Variants in PRKCB observed in about 807,000 individuals in gnomAD.
PRKCB encodes protein kinase C beta type.
In PRKCB, 13 loss-of-function variants were observed where a neutral mutation model predicts 81.5. The ratio of observed to expected loss-of-function variants is 0.16; its 90% confidence interval spans 0.10 to 0.25. The LOEUF is 0.25. Among genes scored for constraint, PRKCB ranks in the 10% least tolerant of loss-of-function variants. The pLI is 1.00. For synonymous variants in PRKCB, 335 were observed against 321.4 expected (o/e 1.04, Z -0.45); for missense variants, 509 against 875.7 (o/e 0.58, Z 5.29).
At chr16:24,167,478 T>G (rs2141962480) in intron 10 of PRKCB, among the ~76,000 whole-genome samples, 1 of 152,178 alleles carries the variant, frequency 6.6e-6, no homozygotes, top group East Asian at 1.9e-4. Context: ...GAGGATTACT[T>G]GAGCCTGGGA....
chr16:24,085,731 G>A (rs374779236), intron 5 of PRKCB, among the ~76,000 whole-genome samples: 26 of 152,310 alleles, frequency 1.7e-4, no homozygotes, highest in Non-Finnish European at 3.4e-4. Flanking sequence ...TGAGAGTCAT[G>A]GCAGAGGTAG....
At chr16:23,949,906 A>T (rs1309745950) in intron 2 of PRKCB, among the ~76,000 whole-genome samples, 1 of 152,152 alleles carries the variant, frequency 6.6e-6, no homozygotes, top group Non-Finnish European at 1.5e-5. Flanking sequence ...TGCCAGAGCC[A>T]CTTGGGTCCA....
chr16:24,138,111 C>T (rs531959895), intron 9 of PRKCB, among the ~76,000 whole-genome samples: 1 of 152,322 alleles, frequency 6.6e-6, no homozygotes, highest in South Asian at 2.1e-4. Flanking sequence ...AATAGAGGCT[C>T]AGAGAGGTGA....
At chr16:23,927,693 T>G (rs1963915408) in intron 2 of PRKCB, among the ~76,000 whole-genome samples, 1 of 151,926 alleles carries the variant, frequency 6.6e-6, no homozygotes, top group African/African-American at 2.4e-5. Flanking sequence ...GGGGTGTTAT[T>G]GAGAGAACTT....
chr16:23,887,825 G>A lies in PRKCB; in HGVS notation c.205+50419G>A, dbSNP rs545846684. On this transcript the variant is annotated intron_variant, in intron 2 of 16. Transcript: ENST00000643927. Reference sequence around the variant, plus strand: ...TTACAATTTCACCAACAGTGTAAGAGCGTCCTTTTTTCTCCGTAATCTCAC... The same window carrying A: ...TTACAATTTCACCAACAGTGTAAGAACGTCCTTTTTTCTCCGTAATCTCAC... Among the ~76,000 whole-genome samples, 136 of 110,274 alleles carry A rather than the reference G, an allele frequency of 1.2e-3. 2 individuals carry two copies. Among genetic ancestry groups the A allele is most frequent in the African/African-American group, 4.6e-3 (121 of 26,064 alleles). The allele number at this position is 110,274 out of a possible 152,430, so 72.3% of individuals were successfully genotyped here.
chr16:23,860,512 G>C lies in PRKCB; in HGVS notation c.205+23106G>C, dbSNP rs1324281899. Among the ~76,000 whole-genome samples, 5 of 152,126 alleles carry C rather than the reference G, an allele frequency of 3.3e-5. No homozygotes were observed. The East Asian group carries it at 9.6e-4, about 29-fold the overall frequency. On this transcript the variant is annotated intron_variant, in intron 2 of 16. Coordinates refer to ENST00000643927, the MANE Select transcript of PRKCB (RefSeq NM_002738.7). Reference sequence around the variant, plus strand: ...ACAGGGGTGCATTTTTAAAATATCTGAAGTATGTTACTGGTGGCACTCAAA... The same window carrying C: ...ACAGGGGTGCATTTTTAAAATATCTCAAGTATGTTACTGGTGGCACTCAAA...
intron 9 of PRKCB, among the ~76,000 whole-genome samples, chr16:24,145,370 G>A (rs1297596025): frequency 1.3e-5 from 2 of 152,148 alleles, no homozygotes. Context: ...CTGAGGCCAG[G>A]AGTTCCAGAC....
chr16:24,133,512 G>A (rs1257584442), intron 9 of PRKCB, among the ~76,000 whole-genome samples: 3 of 152,168 alleles, frequency 2.0e-5, no homozygotes, highest in Non-Finnish European at 2.9e-5. Context: ...AGCATCTCTA[G>A]TGAGTGCAGT....
At chr16:24,180,713 T>C in intron 12 of PRKCB, 77 bp from the exon 13 acceptor site, 1 of 1,532,862 alleles carries the variant, frequency 6.5e-7, no homozygotes, top group East Asian at 2.2e-5. Context: ...CAGTGTTTTA[T>C]GCATAATGAG....
intron 2 of PRKCB, among the ~76,000 whole-genome samples, chr16:23,887,729 G>T (rs1567303085): frequency 6.6e-6 from 1 of 152,250 alleles, no homozygotes; most frequent in Non-Finnish European, 1.5e-5. Flanking sequence ...GGGAATGCTG[G>T]ATTGAATGGC....
In PRKCB at chr16:24,219,957, G is replaced by T. The variant is rs202022036; in HGVS notation, c.*5141G>T. 3 of 1,613,774 alleles carry T rather than the reference G, an allele frequency of 1.9e-6. No homozygotes were observed. Among genetic ancestry groups the T allele is most frequent in the Non-Finnish European group, 1.7e-6 (2 of 1,179,902 alleles). On this transcript the variant is annotated 3_prime_UTR_variant, in exon 17 of 17. Coordinates refer to ENST00000643927, the MANE Select transcript of PRKCB (RefSeq NM_002738.7). ...TGTTAATGTGTTTACTTTCCATTTG[G>T]CAGAGAGACAAGAGAGACACCTCCA...
chr16:23,889,244 C>T (rs1963253712), intron 2 of PRKCB, among the ~76,000 whole-genome samples: 1 of 152,074 alleles, frequency 6.6e-6, no homozygotes, highest in Non-Finnish European at 1.5e-5. Context: ...GGTTTGAATC[C>T]CAGCTCTGCC....
intron 2 of PRKCB, among the ~76,000 whole-genome samples, chr16:23,952,506 C>T (rs568530100): frequency 2.0e-4 from 30 of 152,128 alleles, no homozygotes; most frequent in Non-Finnish European, 4.0e-4. Flanking sequence ...AGAATCGTTG[C>T]AATGTATTGC....
At chr16:23,885,418 C>G (rs1269649047) in intron 2 of PRKCB, among the ~76,000 whole-genome samples, 2 of 152,148 alleles carry the variant, frequency 1.3e-5, no homozygotes, top group African/African-American at 4.8e-5. Context: ...AAGCCATTCT[C>G]CTGCCTCAGC....
At chr16:23,854,089 C>T (rs1962521945) in intron 2 of PRKCB, among the ~76,000 whole-genome samples, 1 of 151,192 alleles carries the variant, frequency 6.6e-6, no homozygotes, top group Non-Finnish European at 1.5e-5. Flanking sequence ...AACCCACCCC[C>T]ATGATTCCAT....
intron 2 of PRKCB, among the ~76,000 whole-genome samples, chr16:23,860,467 A>G (rs1211088597): frequency 2.6e-5 from 4 of 152,156 alleles, no homozygotes; most frequent in Non-Finnish European, 5.9e-5. Context: ...GATAGAGGTA[A>G]ATGTTTGGGA....
At position 23,836,357 on chromosome 16, in the gene PRKCB, G is replaced by A. The variant is rs778415057; in HGVS notation, c.173+9G>A. ...TGCACCGACTTCATCTGGTGAGCGC[G>A]CGCGCGCAGGGCACCTTCCCGGGCC... On this transcript the variant is annotated intron_variant, in intron 1 of 16. Coordinates refer to ENST00000643927, the MANE Select transcript of PRKCB (RefSeq NM_002738.7). 1.3e-6 allele frequency: 2 copies of A among 1,595,984 alleles called. No homozygotes were observed. The highest frequency in any genetic ancestry group is 1.1e-5 in the South Asian group (1 of 90,144).
At chr16:23,903,405 C>T (rs1963513704) in intron 2 of PRKCB, among the ~76,000 whole-genome samples, 1 of 151,786 alleles carries the variant, frequency 6.6e-6, no homozygotes, top group Non-Finnish European at 1.5e-5. Flanking sequence ...ACATCATTTC[C>T]CCCCTAACAG....
At chr16:24,206,128 T>C (rs1399532138) in intron 16 of PRKCB, among the ~76,000 whole-genome samples, 1 of 152,220 alleles carries the variant, frequency 6.6e-6, no homozygotes, top group Admixed American at 6.5e-5. Context: ...AGATCCCTGA[T>C]TGTAAGGGAC....
Sources: gnomAD v4.1 joint callset for allele counts (sites outside exome capture counted in the v4.1 genomes callset) on GRCh38, gnomAD v4.1.1 for gene constraint, MANE v1.5 for transcripts, NCBI Gene and HGNC (gene_info 2026-07-23, HGNC 2026-07-21) for gene names.